Variants in SAE1 observed in about 807,000 individuals in gnomAD.
SAE1 encodes the protein SUMO1 activating enzyme subunit 1, also known as SUMO-activating enzyme subunit 1.
In SAE1, 11 loss-of-function variants were observed where a neutral mutation model predicts 40.6. The ratio of observed to expected loss-of-function variants is 0.27; its 90% confidence interval spans 0.17 to 0.45. The LOEUF is 0.45. SAE1 is among the 20% of genes least tolerant of loss of function. SAE1 has a pLI of 1.00. For missense variants in SAE1, 373 were observed against 427.3 expected, an observed-to-expected ratio of 0.87 and a Z score of 1.12; for synonymous variants, 155 against 154.3, an observed-to-expected ratio of 1.00 and a Z score of -0.03.
chr19:47,141,228 C>G (rs1600149754), intron 1 of SAE1, among the ~76,000 whole-genome samples: 1 of 152,182 alleles, frequency 6.6e-6, no homozygotes, highest in African/African-American at 2.4e-5. Flanking sequence ...TCTCGAACCC[C>G]TGGACTCAAG....
intron 5 of SAE1, among the ~76,000 whole-genome samples, chr19:47,159,393 C>T (rs1320115970): frequency 2.0e-5 from 3 of 152,110 alleles, no homozygotes; most frequent in African/African-American, 4.8e-5. Context: ...TCTGTCTCCC[C>T]GCTTCCATTT....
At chr19:47,178,242 CAA>C (rs748570539) in intron 6 of SAE1, among the ~76,000 whole-genome samples, 3 of 139,324 alleles carry the variant, frequency 2.2e-5, no homozygotes, top group Non-Finnish European at 4.7e-5. Context: ...ACTCCATCTC[CAA>C]AAAAAAAAAA....
chr19:47,161,276 G>T (rs1453870655), intron 5 of SAE1, among the ~76,000 whole-genome samples: 1 of 150,692 alleles, frequency 6.6e-6, no homozygotes. Context: ...CTCTCAAAGT[G>T]CTGAGATTAT....
At chr19:47,195,195 C>T (rs1237012472) in intron 6 of SAE1, among the ~76,000 whole-genome samples, 2 of 151,648 alleles carry the variant, frequency 1.3e-5, no homozygotes, top group East Asian at 1.9e-4. Flanking sequence ...AGTGGGACTA[C>T]AGGTGCCTGC....
intron 5 of SAE1, among the ~76,000 whole-genome samples, 195 bp from the exon 6 acceptor site, chr19:47,169,623 G>A (rs2058418081): frequency 6.6e-6 from 1 of 152,170 alleles, no homozygotes; most frequent in Admixed American, 6.6e-5. Context: ...GGGAGTTTGT[G>A]TTGTCCATCC....
At chr19:47,170,980 TTTTG>T (rs1296599884) in intron 6 of SAE1, among the ~76,000 whole-genome samples, 1 of 152,094 alleles carries the variant, frequency 6.6e-6, no homozygotes, top group Non-Finnish European at 1.5e-5. Flanking sequence ...CCTGGCACTT[TTTTG>T]TTTGTTTTTG....
intron 2 of SAE1, among the ~76,000 whole-genome samples, chr19:47,148,987 T>G (rs1251845581): frequency 6.6e-6 from 1 of 151,018 alleles, no homozygotes; most frequent in East Asian, 1.9e-4. Flanking sequence ...CAAGTTTGAT[T>G]TTTTTTTTAA....
chr19:47,138,290 C>T (rs1430111635), intron 1 of SAE1, among the ~76,000 whole-genome samples: 2 of 152,192 alleles, frequency 1.3e-5, no homozygotes, highest in East Asian at 1.9e-4. Flanking sequence ...GTGATCTACC[C>T]GCCTCAGCCT....
chr19:47,174,358 T>C (rs1039618940), intron 6 of SAE1, among the ~76,000 whole-genome samples: 2 of 151,358 alleles, frequency 1.3e-5, no homozygotes, highest in Non-Finnish European at 2.9e-5. Flanking sequence ...CATTATAACT[T>C]AAGCGTATAG....
At chr19:47,198,337 C>G (rs1248128246) in intron 7 of SAE1, among the ~76,000 whole-genome samples, 1 of 152,106 alleles carries the variant, frequency 6.6e-6, no homozygotes, top group East Asian at 1.9e-4. Flanking sequence ...GTCTTGAACT[C>G]TTGACCTCAG....
At chr19:47,158,935 A>T (rs1323382342) in intron 5 of SAE1, among the ~76,000 whole-genome samples, 1 of 152,204 alleles carries the variant, frequency 6.6e-6, no homozygotes, top group African/African-American at 2.4e-5. Context: ...GTGGGATAAA[A>T]TATGTGAACA....
intron 1 of SAE1, among the ~76,000 whole-genome samples, chr19:47,140,068 G>C (rs1294557867): frequency 6.7e-6 from 1 of 150,130 alleles, no homozygotes; most frequent in African/African-American, 2.5e-5. Flanking sequence ...TTCCCGAGTA[G>C]CTGAGATTAC....
chr19:47,202,927 A>T (rs1301246289), intron 7 of SAE1, among the ~76,000 whole-genome samples: 1 of 152,138 alleles, frequency 6.6e-6, no homozygotes, highest in African/African-American at 2.4e-5. Flanking sequence ...GTCTAGAAGG[A>T]TGTGCACCAC....
intron 1 of SAE1, among the ~76,000 whole-genome samples, chr19:47,133,866 G>GTTT (rs1360686305): frequency 7.2e-6 from 1 of 139,512 alleles, no homozygotes; most frequent in Non-Finnish European, 1.6e-5. Flanking sequence ...TTTTTTGTTT[G>GTTT]TTTTTTTTTT....
At chr19:47,166,192 G>T (rs2058391181) in intron 5 of SAE1, among the ~76,000 whole-genome samples, 1 of 152,142 alleles carries the variant, frequency 6.6e-6, no homozygotes, top group South Asian at 2.1e-4. Flanking sequence ...GGTTTGGTGA[G>T]AAAGGATGAG....
At chr19:47,146,737 C>A (rs188326198) in intron 2 of SAE1, among the ~76,000 whole-genome samples, 2 of 152,180 alleles carry the variant, frequency 1.3e-5, no homozygotes. Flanking sequence ...GCATCTGACT[C>A]CAGAGCCCAT....
At chr19:47,158,369 AGTTT>A (rs1479291826) in intron 5 of SAE1, among the ~76,000 whole-genome samples, 4 of 152,202 alleles carry the variant, frequency 2.6e-5, no homozygotes, top group Non-Finnish European at 5.9e-5. Flanking sequence ...GGTGCTCAGT[AGTTT>A]GTTTGCTTCC....
chr19:47,139,191 A>G (rs1345775705), intron 1 of SAE1, among the ~76,000 whole-genome samples: 1 of 152,118 alleles, frequency 6.6e-6, no homozygotes, highest in African/African-American at 2.4e-5. Context: ...ACCTCAAGTG[A>G]TCCGACCGCC....
Position 47,130,868 on chromosome 19 carries a change from G to A in SAE1, c.-63G>A, listed in dbSNP as rs746972922. 1 of 1,544,524 alleles carries A rather than the reference G, an allele frequency of 6.5e-7. No homozygotes were observed. Among genetic ancestry groups the A allele is most frequent in the East Asian group, 2.5e-5 (1 of 40,642 alleles). ...CGTGCTGCCGGCGGCGGTAGGTGGC[G>A]CGCGGGTCCGGCGGGCGGTTGGCTT... On this transcript the variant is annotated 5_prime_UTR_variant, in exon 1 of 9. Coordinates refer to ENST00000270225, the MANE Select transcript of SAE1 (RefSeq NM_005500.3).
Sources: allele counts gnomAD v4.1 joint callset (sites outside exome capture counted in the v4.1 genomes callset), GRCh38; gene constraint gnomAD v4.1.1; transcripts MANE v1.5; gene names NCBI Gene and HGNC (gene_info 2026-07-23, HGNC 2026-07-21).